The following ADARB2 variants were observed in gnomAD, a reference collection of about 807,000 sequenced individuals.
The protein encoded by ADARB2 is adenosine deaminase RNA specific B2 (inactive), also known as inactive double-stranded RNA-specific editase B2.
ADARB2 carries 25 observed loss-of-function variants against 62.2 expected under a neutral mutation model. That is an observed-to-expected ratio of 0.40 (90% CI 0.29 to 0.56). The LOEUF (loss-of-function observed/expected upper bound fraction) is 0.56. Ranked by LOEUF, ADARB2 falls within the 20% of genes least tolerant of loss-of-function variation. The pLI is 0.43. For missense variants in ADARB2, 1,071 were observed against 1,077.4 expected (o/e 0.99, Z 0.08); for synonymous variants, 572 against 500.8 (o/e 1.14, Z -1.90).
At chr10:1,215,951 C>A (rs1385528080) in intron 7 of ADARB2, 1 of 151,144 alleles carries the variant, frequency 6.6e-6, no homozygotes, top group African/African-American at 2.4e-5. Flanking sequence ...CTCAGGGCCT[C>A]AAATCCACGT....
chr10:1,194,723 G>A (rs1836886476), intron 8 of ADARB2, among the ~76,000 whole-genome samples: 1 of 152,082 alleles, frequency 6.6e-6, no homozygotes, highest in Non-Finnish European at 1.5e-5. Flanking sequence ...CTGTATTTCT[G>A]AAATTCCTAT....
Position 1,622,388 on chromosome 10 carries a change from A to G in ADARB2, c.100+114663T>C, listed in dbSNP as rs556254935. On this transcript the variant is annotated intron_variant, in intron 1 of 9. Coordinates refer to ENST00000381312, the MANE Select transcript of ADARB2 (RefSeq NM_018702.4). Reference sequence around the variant, plus strand: ...CTTTGAGCTTCAAAACACATCTTTAATGAAAAAATAAATCTTATACAGGTT... The same window carrying G: ...CTTTGAGCTTCAAAACACATCTTTAGTGAAAAAATAAATCTTATACAGGTT... Among the ~76,000 whole-genome samples the G allele has an allele frequency of 2.0e-5, 3 of 152,318 alleles. No homozygotes were observed. In the East Asian group the frequency reaches 5.8e-4, roughly 29 times the overall value.
intron 9 of ADARB2, among the ~76,000 whole-genome samples, chr10:1,184,142 A>C (rs1836718111): frequency 6.6e-6 from 1 of 152,212 alleles, no homozygotes; most frequent in African/African-American, 2.4e-5. Flanking sequence ...AAGTTGGCTA[A>C]AACGTTTATT....
intron 3 of ADARB2, among the ~76,000 whole-genome samples, chr10:1,271,325 C>T (rs1831260378): frequency 6.6e-6 from 1 of 152,226 alleles, no homozygotes; most frequent in Non-Finnish European, 1.5e-5. Flanking sequence ...ACCCTGAGCT[C>T]TGCCAACCTC....
chr10:1,641,360 G>T (rs1833976274), intron 1 of ADARB2, among the ~76,000 whole-genome samples: 1 of 152,230 alleles, frequency 6.6e-6, no homozygotes, highest in African/African-American at 2.4e-5. Context: ...ACTGAAGTCA[G>T]CTGCTTTATT....
At position 1,462,805 on chromosome 10, in the gene ADARB2, ATG is replaced by A. The variant is rs564147213; in HGVS notation, c.101-83647_101-83646del. 8.6e-3 allele frequency among the ~76,000 whole-genome samples: 1,306 copies of A among 151,656 alleles called. 16 individuals carry two copies. The highest frequency in any genetic ancestry group is 0.03 in the African/African-American group (1,227 of 41,270). ...TGCACGTGTGTGCATGTGTATGTAC[ATG>A]TGTGTGTCTGTGTGTAGTGTGCATG... On this transcript the variant is annotated intron_variant, in intron 1 of 9. Coordinates refer to ENST00000381312, the MANE Select transcript of ADARB2 (RefSeq NM_018702.4).
chr10:1,633,566 ATCTAT>A (rs1833874278), intron 1 of ADARB2, among the ~76,000 whole-genome samples: 7 of 147,582 alleles, frequency 4.7e-5, no homozygotes, highest in African/African-American at 1.8e-4. Context: ...CTATCTATCT[ATCTAT>A]CTATCTATCT....
At chr10:1,395,557 G>T (rs1832604593) in intron 1 of ADARB2, among the ~76,000 whole-genome samples, 7 of 152,220 alleles carry the variant, frequency 4.6e-5, no homozygotes, top group Admixed American at 4.6e-4. Flanking sequence ...CCCCAGCGGG[G>T]CGTCTGCTCC....
At chr10:1,350,043 C>T (rs560003626) in intron 3 of ADARB2, among the ~76,000 whole-genome samples, 3 of 152,262 alleles carry the variant, frequency 2.0e-5, no homozygotes, top group South Asian at 4.2e-4. Flanking sequence ...GAACTTAAAA[C>T]CTCTTCAACT....
chr10:1,450,605 C>T (rs1328838532), intron 1 of ADARB2, among the ~76,000 whole-genome samples: 1 of 152,206 alleles, frequency 6.6e-6, no homozygotes, highest in Non-Finnish European at 1.5e-5. Flanking sequence ...GGAAACTGAT[C>T]ACAAAGAGGA....
chr10:1,502,082 G>C (rs944859446), intron 1 of ADARB2, among the ~76,000 whole-genome samples: 2 of 152,220 alleles, frequency 1.3e-5, no homozygotes, highest in East Asian at 3.8e-4. Context: ...TGACCACCAG[G>C]TAAACTGGCA....
intron 8 of ADARB2, among the ~76,000 whole-genome samples, chr10:1,187,466 AG>A (rs1836776184): frequency 6.6e-6 from 1 of 152,220 alleles, no homozygotes; most frequent in South Asian, 2.1e-4. Context: ...CCAACCACTG[AG>A]GTGCCAAGCT....
intron 1 of ADARB2, among the ~76,000 whole-genome samples, chr10:1,623,870 C>T (rs185624413): frequency 6.6e-6 from 1 of 152,310 alleles, no homozygotes; most frequent in Non-Finnish European, 1.5e-5. Flanking sequence ...ATCATTTGTT[C>T]ATGGGGCCAC....
At chr10:1,503,224 T>C (rs1831788152) in intron 1 of ADARB2, among the ~76,000 whole-genome samples, 1 of 152,174 alleles carries the variant, frequency 6.6e-6, no homozygotes, top group Admixed American at 6.5e-5. Flanking sequence ...TTTTTGTTGT[T>C]GTTGTTCAGT....
chr10:1,220,810 C>T (rs1000166280), intron 6 of ADARB2, among the ~76,000 whole-genome samples: 1 of 152,206 alleles, frequency 6.6e-6, no homozygotes, highest in Non-Finnish European at 1.5e-5. Context: ...ATGAAGTACA[C>T]TTGATAGCCT....
chr10:1,537,055 G>A (rs1239969576), intron 1 of ADARB2, among the ~76,000 whole-genome samples: 1 of 152,106 alleles, frequency 6.6e-6, no homozygotes, highest in Non-Finnish European at 1.5e-5. Context: ...AATTTTGCAA[G>A]CTACCCATCT....
intron 7 of ADARB2, among the ~76,000 whole-genome samples, chr10:1,208,966 G>C (rs1837106288): frequency 1.3e-5 from 2 of 152,180 alleles, no homozygotes; most frequent in African/African-American, 4.8e-5. Context: ...TGGGGTGGGG[G>C]TTCTGCCCAG....
chr10:1,546,933 G>C (rs1037914327), intron 1 of ADARB2, among the ~76,000 whole-genome samples: 2 of 152,226 alleles, frequency 1.3e-5, no homozygotes, highest in Non-Finnish European at 2.9e-5. Flanking sequence ...TGTGAAGTGC[G>C]AACACACTCA....
At chr10:1,243,901 CT>C (rs140582222) in intron 4 of ADARB2, among the ~76,000 whole-genome samples, 4,925 of 152,344 alleles carry the variant, frequency 0.032, 286 homozygotes, top group African/African-American at 0.11. Flanking sequence ...CCACTGCCCC[CT>C]CCCTGGTGGG....
Sources: gnomAD v4.1 joint callset for allele counts (sites outside exome capture counted in the v4.1 genomes callset) on GRCh38, gnomAD v4.1.1 for gene constraint, MANE v1.5 for transcripts, NCBI Gene and HGNC (gene_info 2026-07-23, HGNC 2026-07-21) for gene names.